RBP7: variants seen among roughly 807,000 people sequenced by gnomAD.
The protein encoded by RBP7 is retinoid-binding protein 7.
A neutral mutation model predicts 16.7 loss-of-function variants in RBP7; 13 were observed. The observed-to-expected ratio is 0.78, with a 90% CI of 0.51 to 1.24. RBP7 has a LOEUF of 1.24. RBP7 is among the 50% of genes most tolerant of loss of function. RBP7 has a pLI of 0.00. For synonymous variants in RBP7, 54 were observed against 56.2 expected (o/e 0.96, Z 0.17); for missense variants, 145 against 159.5 (o/e 0.91, Z 0.49).
intron 1 of RBP7, among the ~76,000 whole-genome samples, chr1:9,998,389 T>TTCTTTCTC (rs1642209831): frequency 8.7e-6 from 1 of 115,296 alleles, no homozygotes; most frequent in Non-Finnish European, 1.7e-5. Flanking sequence ...TTTTCTTTTT[T>TTCTTTCTC]TCTTTCTTTC....
chr1:10,010,118 G>A (rs1642573873), intron 3 of RBP7, among the ~76,000 whole-genome samples: 1 of 151,840 alleles, frequency 6.6e-6, no homozygotes, highest in Non-Finnish European at 1.5e-5. Flanking sequence ...AGCCTGTTTT[G>A]TTTTGTTTTG....
chr1:10,004,293 A>G (rs1642362288), intron 1 of RBP7: 1 of 140,604 alleles, frequency 7.1e-6, no homozygotes, highest in African/African-American at 2.7e-5. Context: ...GCTGGTCTCC[A>G]ACTCCCGACC....
At chr1:10,008,587 C>T (rs1367364317) in intron 3 of RBP7, among the ~76,000 whole-genome samples, 3 of 151,388 alleles carry the variant, frequency 2.0e-5, no homozygotes, top group African/African-American at 2.4e-5. Flanking sequence ...ACTACAGGCA[C>T]GCACCACCAC....
intron 3 of RBP7, among the ~76,000 whole-genome samples, chr1:10,009,890 TCTTTTA>T (rs1279348462): frequency 1.1e-4 from 16 of 152,234 alleles, no homozygotes; most frequent in East Asian, 3.9e-4. Context: ...TTCTTTTTCT[TCTTTTA>T]CTTTTAAGCT....
At chr1:10,013,097 G>C (rs1365913697) in intron 3 of RBP7, among the ~76,000 whole-genome samples, 1 of 138,920 alleles carries the variant, frequency 7.2e-6, no homozygotes, top group East Asian at 2.2e-4. Context: ...TTTTCAGACA[G>C]AGTCTCACTC....
chr1:10,000,487 T>A (rs1283061262), intron 1 of RBP7, among the ~76,000 whole-genome samples: 2 of 151,388 alleles, frequency 1.3e-5, no homozygotes, highest in African/African-American at 2.4e-5. Context: ...TGAGCCCAGA[T>A]CACGACACTG....
chr1:10,008,402 G>C, intron 3 of RBP7, 128 bp downstream of exon 3: 1 of 577,992 alleles, frequency 1.7e-6, no homozygotes, highest in Non-Finnish European at 3.1e-6. Context: ...CTTGAGGTCA[G>C]GAGACTAGCC....
chr1:10,015,735 C>T, intron 3 of RBP7, 47 bp from the exon 4 acceptor site: 1 of 1,517,732 alleles, frequency 6.6e-7, no homozygotes, highest in Non-Finnish European at 9.2e-7. Context: ...TAAAAACAGA[C>T]CACATGCAAA....
Position 10,008,195 on chromosome 1 carries a change from A to G in RBP7, c.275A>G (p.Asp92Gly). ...CAGAGTTTGGTTATCTGGGACAATG[A>G]CAGGCTCACCTGTATCCAGAAGGGA... ...KCKSLVIWDN[D>G]RLTCIQKGEK... is the part of the protein sequence containing the mutation. The change falls in exon 3 of 4, where the codon GAC becomes GGC. Residue 92 changes from aspartate (D) to glycine (G), a missense_variant. By Grantham distance (94) the Asp-to-Gly change is moderately conservative (BLOSUM62 -1). Coordinates refer to ENST00000294435, the MANE Select transcript of RBP7 (RefSeq NM_052960.3). 1.9e-6 allele frequency: 3 copies of G among 1,612,472 alleles called. No homozygotes were observed. The highest frequency in any genetic ancestry group is 2.5e-6 in the Non-Finnish European group (3 of 1,178,706).
chr1:10,014,782 C>T (rs1275410732), intron 3 of RBP7, among the ~76,000 whole-genome samples: 4 of 152,022 alleles, frequency 2.6e-5, no homozygotes, highest in African/African-American at 7.2e-5. Flanking sequence ...TTATCAAGCC[C>T]GAGGAGGGGT....
chr1:10,008,292 T>C lies in RBP7; in HGVS notation c.354+18T>C. Reference sequence around the variant, plus strand: ...TCCACCTGGTATCCACCACATTTTGTTCTTAATGAGATGATACAGTATTAA... The same window carrying C: ...TCCACCTGGTATCCACCACATTTTGCTCTTAATGAGATGATACAGTATTAA... On this transcript the variant is annotated intron_variant, in intron 3 of 3. Coordinates refer to ENST00000294435, the MANE Select transcript of RBP7 (RefSeq NM_052960.3). 1 of 1,502,540 alleles carries C rather than the reference T, an allele frequency of 6.7e-7. No homozygotes were observed. The highest frequency in any genetic ancestry group is 9.3e-7 in the Non-Finnish European group (1 of 1,079,034). The allele number at this position is 1,502,540 out of a possible 1,614,324, so 93.1% of individuals were successfully genotyped here.
chr1:10,007,032 C>T lies in RBP7; in HGVS notation c.74-538C>T, dbSNP rs757607189. On this transcript the variant is annotated intron_variant, in intron 1 of 3. Coordinates refer to ENST00000294435, the MANE Select transcript of RBP7 (RefSeq NM_052960.3). ...TGTGATCTTGGCTCACTGCAACCTC[C>T]GCCTCCTGGGTTCAAGCAATTCTCC... is the stretch of plus-strand genomic sequence containing the variant. 4.4e-4 allele frequency: 169 copies of T among 383,940 alleles called. 2 individuals carry two copies. The highest frequency in any genetic ancestry group is 2.9e-3 in the South Asian group (158 of 53,818). 23.8% of individuals were successfully genotyped at this position (383,940 alleles called of 1,614,324 possible). A position where few individuals can be genotyped will look rare whatever the true frequency, so the allele number is the denominator to read the frequency against.
At chr1:10,013,337 T>C (rs1219287378) in intron 3 of RBP7, among the ~76,000 whole-genome samples, 1 of 152,016 alleles carries the variant, frequency 6.6e-6, no homozygotes, top group Non-Finnish European at 1.5e-5. Context: ...CCTCCCAAAG[T>C]GCTGGGATTA....
intron 1 of RBP7, among the ~76,000 whole-genome samples, chr1:10,002,306 G>A (rs746898897): frequency 6.6e-5 from 10 of 151,858 alleles, no homozygotes; most frequent in East Asian, 1.9e-4. Flanking sequence ...GTAATAGCAC[G>A]TGCATCAGGC....
Position 10,011,839 on chromosome 1 carries a change from C to G in RBP7, c.354+3565C>G, listed in dbSNP as rs1642626350. On this transcript the variant is annotated intron_variant, in intron 3 of 3. Transcript: ENST00000294435. Reference sequence around the variant, plus strand: ...TGGGAAGCTGAGGCAGGCGGATCACCTGAGGTCAGGAGTTCGAGACCAGCC... The same window carrying G: ...TGGGAAGCTGAGGCAGGCGGATCACGTGAGGTCAGGAGTTCGAGACCAGCC... 2.0e-5 allele frequency among the ~76,000 whole-genome samples: 3 copies of G among 151,990 alleles called. No individual in the cohort carries two copies. In the South Asian group the frequency reaches 6.2e-4, roughly 32 times the overall value.
At chr1:9,998,368 G>A (rs1557482628) in intron 1 of RBP7, among the ~76,000 whole-genome samples, 1 of 149,506 alleles carries the variant, frequency 6.7e-6, no homozygotes, top group Non-Finnish European at 1.5e-5. Flanking sequence ...TTGACCCGTG[G>A]GCAATTTTTG....
At chr1:10,008,529 C>T (rs891266639) in intron 3 of RBP7, among the ~76,000 whole-genome samples, 14 of 151,528 alleles carry the variant, frequency 9.2e-5, no homozygotes, top group African/African-American at 3.4e-4. Context: ...CAACCTCCAC[C>T]TCCTGGGTCC....
At chr1:10,005,140 T>A (rs906451018) in intron 1 of RBP7, among the ~76,000 whole-genome samples, 8 of 152,164 alleles carry the variant, frequency 5.3e-5, no homozygotes, top group Non-Finnish European at 1.0e-4. Flanking sequence ...ACACACAAGC[T>A]TTTTTATTTG....
chr1:10,006,228 C>T (rs556961003), intron 1 of RBP7, among the ~76,000 whole-genome samples: 121 of 152,182 alleles, frequency 8.0e-4, no homozygotes, highest in African/African-American at 2.5e-3. Flanking sequence ...GAATTCTAGC[C>T]GAGCAGGGTG....
Sources: gnomAD v4.1 joint callset for allele counts (sites outside exome capture counted in the v4.1 genomes callset) on GRCh38, gnomAD v4.1.1 for gene constraint, MANE v1.5 for transcripts, NCBI Gene and HGNC (gene_info 2026-07-23, HGNC 2026-07-21) for gene names.